The following SETBP1 variants were observed in gnomAD, a reference collection of about 807,000 sequenced individuals.
SETBP1 encodes the protein SET-binding protein.
A neutral mutation model predicts 101.0 loss-of-function variants in SETBP1; 9 were observed. The observed-to-expected ratio is 0.09, with a 90% CI of 0.05 to 0.16. SETBP1 has a LOEUF of 0.16. Among genes scored for constraint, SETBP1 ranks in the 10% least tolerant of loss-of-function variants. SETBP1 has a pLI of 1.00. For missense variants in SETBP1, 1,858 were observed against 2,033.8 expected (o/e 0.91, Z 1.66); for synonymous variants, 818 against 788.5 (o/e 1.04, Z -0.63).
At chr18:44,700,979 C>T (rs975964468) in intron 1 of SETBP1, among the ~76,000 whole-genome samples, 196 bp from the exon 2 acceptor site, 4 of 152,144 alleles carry the variant, frequency 2.6e-5, no homozygotes, top group South Asian at 4.1e-4. Flanking sequence ...ATTATGAAGG[C>T]GTGTGTGAAT....
At chr18:44,878,353 C>G (rs1224630986) in intron 3 of SETBP1, among the ~76,000 whole-genome samples, 1 of 150,744 alleles carries the variant, frequency 6.6e-6, no homozygotes, top group Non-Finnish European at 1.5e-5. Flanking sequence ...TCTCTTCAAT[C>G]CTTTTGGTAA....
chr18:44,738,861 T>C (rs1042420414), intron 2 of SETBP1, among the ~76,000 whole-genome samples: 1 of 152,040 alleles, frequency 6.6e-6, no homozygotes, highest in Non-Finnish European at 1.5e-5. Flanking sequence ...TGTGTAACAG[T>C]TGCCCACAAA....
chr18:44,957,621 AAC>A (rs1368933078), intron 4 of SETBP1, among the ~76,000 whole-genome samples: 3 of 152,022 alleles, frequency 2.0e-5, no homozygotes, highest in Non-Finnish European at 4.4e-5. Flanking sequence ...GCCCTTTGCC[AAC>A]TCCTCTTATC....
chr18:44,911,911 A>G (rs1286129569), intron 3 of SETBP1, among the ~76,000 whole-genome samples: 4 of 149,988 alleles, frequency 2.7e-5, no homozygotes, highest in Non-Finnish European at 5.9e-5. Context: ...GAGAGAAGGT[A>G]CAAACGTGTG....
At chr18:44,973,309 G>T (rs111781458) in intron 4 of SETBP1, among the ~76,000 whole-genome samples, 2 of 152,154 alleles carry the variant, frequency 1.3e-5, no homozygotes, top group Non-Finnish European at 2.9e-5. Context: ...TTGTATCAAT[G>T]TTCATCAGGG....
At chr18:44,747,411 G>GA (rs925896206) in intron 2 of SETBP1, among the ~76,000 whole-genome samples, 89 of 150,490 alleles carry the variant, frequency 5.9e-4, no homozygotes, top group Middle Eastern at 3.4e-3. Flanking sequence ...ATCCTCAGAA[G>GA]AAAAAAAAAA....
intron 2 of SETBP1, among the ~76,000 whole-genome samples, chr18:44,828,333 T>C (rs1036592052): frequency 1.3e-5 from 2 of 152,168 alleles, no homozygotes; most frequent in African/African-American, 4.8e-5. Context: ...GGACTCAGGA[T>C]CTGTGAGCTG....
chr18:44,726,061 A>AT (rs1413176744), intron 2 of SETBP1, among the ~76,000 whole-genome samples: 1 of 151,348 alleles, frequency 6.6e-6, no homozygotes, highest in East Asian at 2.0e-4. Flanking sequence ...TCTCTAAAAG[A>AT]TTCCTTCCCT....
intron 2 of SETBP1, among the ~76,000 whole-genome samples, chr18:44,835,174 T>C (rs1343847044): frequency 6.6e-6 from 1 of 151,986 alleles, no homozygotes; most frequent in East Asian, 1.9e-4. Flanking sequence ...CAGCACAGGG[T>C]CAGGTCACAG....
chr18:45,020,713 T>A (rs2073042610), intron 4 of SETBP1, among the ~76,000 whole-genome samples: 1 of 152,184 alleles, frequency 6.6e-6, no homozygotes, highest in South Asian at 2.1e-4. Context: ...TGAATCTCTG[T>A]CCTCTCACCA....
At chr18:45,019,850 C>A (rs1231224702) in intron 4 of SETBP1, among the ~76,000 whole-genome samples, 1 of 152,034 alleles carries the variant, frequency 6.6e-6, no homozygotes, top group Non-Finnish European at 1.5e-5. Context: ...ATTCTCTCTG[C>A]CGGTTTTTGG....
intron 2 of SETBP1, among the ~76,000 whole-genome samples, chr18:44,864,071 C>T (rs1355158622): frequency 6.6e-6 from 1 of 152,198 alleles, no homozygotes; most frequent in Non-Finnish European, 1.5e-5. Flanking sequence ...AAAGGGCCAG[C>T]AGAGGGGACA....
At chr18:44,894,174 G>A (rs1161684701) in intron 3 of SETBP1, among the ~76,000 whole-genome samples, 2 of 152,126 alleles carry the variant, frequency 1.3e-5, no homozygotes, top group Admixed American at 1.3e-4. Context: ...ACCTCAAGCA[G>A]GTCACTTCCC....
intron 2 of SETBP1, among the ~76,000 whole-genome samples, chr18:44,805,343 T>G (rs2071705609): frequency 6.6e-6 from 1 of 152,130 alleles, no homozygotes; most frequent in Non-Finnish European, 1.5e-5. Flanking sequence ...ACTTATTCTG[T>G]GTGTCTAGCA....
At chr18:45,041,690 G>A (rs571412291) in intron 5 of SETBP1, among the ~76,000 whole-genome samples, 44 of 152,298 alleles carry the variant, frequency 2.9e-4, no homozygotes, top group African/African-American at 1.1e-3. Flanking sequence ...GGCCAGGCAT[G>A]GTGGCTCACA....
rs753077395 is a variant in SETBP1 at position 44,951,566 on chromosome 18, C to G, written c.2226C>G (p.Pro742=). Reference sequence around the variant, plus strand: ...AGCTGCCACCCCCATCCGAAGAACCCAAAACAGCCATCAAGCACCCCAGGC... The same window carrying G: ...AGCTGCCACCCCCATCCGAAGAACCGAAAACAGCCATCAAGCACCCCAGGC... ...RAELPPPSEE[P]KTAIKHPRPV... is the part of the protein sequence containing the mutation. Residue 742 remains proline (P), a synonymous_variant, in exon 4 of 6, where the codon CCC becomes CCG. Transcript: ENST00000649279. This position sits in a 1 kb window ranked among gnomAD's most constrained non-coding sequence, Gnocchi z 7.8. The G allele has an allele frequency of 1.2e-6, 2 of 1,614,098 alleles. No homozygotes were observed. The highest frequency in any genetic ancestry group is 1.7e-6 in the Non-Finnish European group (2 of 1,180,032).
At chr18:44,923,765 T>C (rs1338880969) in intron 3 of SETBP1, among the ~76,000 whole-genome samples, 1 of 152,188 alleles carries the variant, frequency 6.6e-6, no homozygotes, top group East Asian at 1.9e-4. Context: ...TGGTCAAAGC[T>C]TTGAGAATTG....
At chr18:44,773,249 C>A (rs1288456374) in intron 2 of SETBP1, among the ~76,000 whole-genome samples, 1 of 152,190 alleles carries the variant, frequency 6.6e-6, no homozygotes, top group African/African-American at 2.4e-5. Flanking sequence ...AGTGGGCATG[C>A]ACAGTTTTTC....
At chr18:44,729,706 G>A (rs2069792233) in intron 2 of SETBP1, among the ~76,000 whole-genome samples, 1 of 152,224 alleles carries the variant, frequency 6.6e-6, no homozygotes, top group South Asian at 2.1e-4. Context: ...AACCATGGGT[G>A]TGGCTTAATT....
Sources: allele counts gnomAD v4.1 joint callset (sites outside exome capture counted in the v4.1 genomes callset), GRCh38; gene constraint gnomAD v4.1.1; non-coding constraint Gnocchi (gnomAD v3.1); transcripts MANE v1.5; gene names NCBI Gene and HGNC (gene_info 2026-07-23, HGNC 2026-07-21).